Variants in PHACTR3 observed in about 807,000 individuals in gnomAD.
PHACTR3 encodes the protein protein phosphatase 1, regulatory subunit 123.
Under a neutral mutation model 66.8 loss-of-function variants are expected in PHACTR3, and 16 were observed. The ratio of observed to expected loss-of-function variants is 0.24; its 90% CI spans 0.16 to 0.36. The LOEUF (loss-of-function observed/expected upper bound fraction) is 0.36, where lower values mean the gene tolerates loss of function less well. Among genes scored for constraint, PHACTR3 ranks in the 10% least tolerant of loss-of-function variants. PHACTR3 has a pLI of 1.00. For synonymous variants in PHACTR3, 323 were observed against 292.1 expected (o/e 1.11, Z -1.08); for missense variants, 647 against 719.9 (o/e 0.90, Z 1.16).
chr20:59,697,760 A>T (rs1324825814), intron 1 of PHACTR3, among the ~76,000 whole-genome samples: 2 of 152,238 alleles, frequency 1.3e-5, no homozygotes, highest in Non-Finnish European at 2.9e-5. Flanking sequence ...TCAATAAATT[A>T]CCCAGTCTTG....
chr20:59,645,750 T>G (rs1406209922), intron 1 of PHACTR3, among the ~76,000 whole-genome samples: 1 of 152,186 alleles, frequency 6.6e-6, no homozygotes, highest in Non-Finnish European at 1.5e-5. Flanking sequence ...CGTCATGTTT[T>G]AATGAAAACA....
chr20:59,724,242 A>C (rs1456338288), intron 1 of PHACTR3, among the ~76,000 whole-genome samples: 1 of 152,076 alleles, frequency 6.6e-6, no homozygotes. Flanking sequence ...GCTTAATTTC[A>C]TTTACTTAAT....
At chr20:59,708,203 G>C (rs1183565999) in intron 1 of PHACTR3, among the ~76,000 whole-genome samples, 1 of 152,184 alleles carries the variant, frequency 6.6e-6, no homozygotes, top group African/African-American at 2.4e-5. Flanking sequence ...ATGGGGACAG[G>C]GGGAGTTCAT....
At chr20:59,788,084 G>A (rs2040973778) in intron 7 of PHACTR3, among the ~76,000 whole-genome samples, 1 of 152,066 alleles carries the variant, frequency 6.6e-6, no homozygotes, top group African/African-American at 2.4e-5. Flanking sequence ...ATATTTGTTT[G>A]TCTTTTATCC....
chr20:59,684,140 C>T (rs1263585365), intron 1 of PHACTR3, among the ~76,000 whole-genome samples: 2 of 152,218 alleles, frequency 1.3e-5, no homozygotes, highest in Non-Finnish European at 2.9e-5. Context: ...GGGTTGGTTT[C>T]ACTTCCCTCT....
chr20:59,635,043 G>T (rs1197883320), intron 1 of PHACTR3, among the ~76,000 whole-genome samples: 1 of 151,400 alleles, frequency 6.6e-6, no homozygotes, highest in Non-Finnish European at 1.5e-5. Flanking sequence ...TAAAGGAAAG[G>T]GAGAAGGCTG....
chr20:59,755,380 C>G lies in PHACTR3; in HGVS notation c.541+16C>G. On this transcript the variant is annotated intron_variant, in intron 4 of 12. Coordinates refer to ENST00000371015, the MANE Select transcript of PHACTR3 (RefSeq NM_080672.5). ...GACGATGCAGGTACTGGCTGGAGAC[C>G]ACGCGAAGTTGAGCTGCTCCTAGAA... 6.2e-7 allele frequency: 1 copy of G among 1,610,712 alleles called. No individual in the cohort carries two copies. The highest frequency in any genetic ancestry group is 2.2e-5 in the East Asian group (1 of 44,806).
chr20:59,583,672 T>C (rs1169548216), intron 1 of PHACTR3, among the ~76,000 whole-genome samples: 2 of 152,176 alleles, frequency 1.3e-5, no homozygotes, highest in Non-Finnish European at 2.9e-5. Flanking sequence ...CGGTTTATTT[T>C]AAGGAAAACA....
intron 1 of PHACTR3, among the ~76,000 whole-genome samples, chr20:59,722,830 G>A (rs6015562): frequency 0.027 from 4,034 of 152,050 alleles, 206 homozygotes; most frequent in African/African-American, 0.092. Flanking sequence ...CTCACGGTGG[G>A]GGCATGGGGG....
At chr20:59,747,655 G>C in intron 2 of PHACTR3, 103 bp from the exon 3 acceptor site, 1 of 1,347,070 alleles carries the variant, frequency 7.4e-7, no homozygotes. Flanking sequence ...TGCTAGCTCA[G>C]TGTTTTTGGT....
At chr20:59,778,457 CCACCGCGTTTAAAA>C (rs1264795188) in intron 7 of PHACTR3, among the ~76,000 whole-genome samples, 2 of 152,318 alleles carry the variant, frequency 1.3e-5, no homozygotes, top group African/African-American at 4.8e-5. Flanking sequence ...GTGCAAGGCT[CCACCGCGTTTAAAA>C]CATCGCTCAG....
chr20:59,696,783 G>A (rs1333154335), intron 1 of PHACTR3, among the ~76,000 whole-genome samples: 1 of 152,122 alleles, frequency 6.6e-6, no homozygotes, highest in African/African-American at 2.4e-5. Context: ...ATGGACCCTG[G>A]GTGGCAGGGC....
chr20:59,756,808 G>A (rs148070759), intron 4 of PHACTR3, among the ~76,000 whole-genome samples: 15 of 152,060 alleles, frequency 9.9e-5, no homozygotes, highest in African/African-American at 3.4e-4. Flanking sequence ...ATCTCCTAAT[G>A]CTTTCCCTCC....
intron 8 of PHACTR3, among the ~76,000 whole-genome samples, chr20:59,831,006 C>T (rs529823462): frequency 6.6e-6 from 1 of 152,260 alleles, no homozygotes; most frequent in Admixed American, 6.5e-5. Context: ...ATCAGCTCCA[C>T]CTCTAGGCCC....
At position 59,836,597 on chromosome 20, in the gene PHACTR3, A is replaced by G. The variant is rs774137954; in HGVS notation, c.1384+37A>G. 11 of 1,596,190 alleles carry G rather than the reference A, an allele frequency of 6.9e-6. No homozygotes were observed. The African/African-American group carries it at 1.5e-4, about 22-fold the overall frequency. On this transcript the variant is annotated intron_variant, in intron 9 of 12. Coordinates refer to ENST00000371015, the MANE Select transcript of PHACTR3 (RefSeq NM_080672.5). The stretch of plus-strand genomic sequence containing the variant: ...GTGATTCCTCTAGAGGTTTTCCTTC[A>G]CGTGTGGTGAGGCTGTTGCACAAAT...
intron 2 of PHACTR3, among the ~76,000 whole-genome samples, chr20:59,744,669 AATT>A (rs1230914289): frequency 5.3e-5 from 8 of 152,250 alleles, no homozygotes; most frequent in Admixed American, 2.6e-4. Flanking sequence ...TGCTTTACAA[AATT>A]ATTATTATTA....
At chr20:59,797,924 T>C (rs1487580143) in intron 7 of PHACTR3, among the ~76,000 whole-genome samples, 2 of 152,172 alleles carry the variant, frequency 1.3e-5, no homozygotes, top group East Asian at 3.8e-4. Flanking sequence ...ATATTGGTCT[T>C]TCATTTTCTT....
chr20:59,835,450 T>A (rs1276117955), intron 8 of PHACTR3, among the ~76,000 whole-genome samples: 6 of 152,072 alleles, frequency 3.9e-5, no homozygotes, highest in Non-Finnish European at 8.8e-5. Context: ...GGGACAAGGA[T>A]TATAAATAGG....
chr20:59,798,278 G>A (rs900343522), intron 7 of PHACTR3, among the ~76,000 whole-genome samples: 1 of 152,152 alleles, frequency 6.6e-6, no homozygotes, highest in Non-Finnish European at 1.5e-5. Flanking sequence ...CATTCATGAT[G>A]GAGGAGACCT....
Sources: gnomAD v4.1 joint callset for allele counts (sites outside exome capture counted in the v4.1 genomes callset) on GRCh38, gnomAD v4.1.1 for gene constraint, MANE v1.5 for transcripts, NCBI Gene and HGNC (gene_info 2026-07-23, HGNC 2026-07-21) for gene names.